The following FOXP1 variants were observed in gnomAD, a reference collection of about 807,000 sequenced individuals.
The protein encoded by FOXP1 is forkhead box protein P1.
A neutral mutation model predicts 98.2 loss-of-function variants in FOXP1; 15 were observed. That is an observed-to-expected ratio of 0.15 (90% confidence interval 0.10 to 0.24). The LOEUF (loss-of-function observed/expected upper bound fraction) is 0.24, where lower values mean the gene tolerates loss of function less well. Ranked by LOEUF, FOXP1 falls within the 10% of genes least tolerant of loss-of-function variation. FOXP1 has a pLI of 1.00. For synonymous variants in FOXP1, 371 were observed against 314.5 expected (o/e 1.18, Z -1.90); for missense variants, 633 against 848.5 (o/e 0.75, Z 3.15).
chr3:71,170,272 A>G (rs574421462), intron 6 of FOXP1, among the ~76,000 whole-genome samples: 1 of 152,302 alleles, frequency 6.6e-6, no homozygotes, highest in South Asian at 2.1e-4. Context: ...GGTATATATC[A>G]CAACAATGAC....
At chr3:71,397,277 G>A (rs2081599380) in intron 3 of FOXP1, among the ~76,000 whole-genome samples, 1 of 151,488 alleles carries the variant, frequency 6.6e-6, no homozygotes, top group Admixed American at 6.6e-5. Context: ...GAAGGAACGA[G>A]ATCTAACTGG....
At chr3:71,523,724 T>C (rs2043159792) in intron 2 of FOXP1, among the ~76,000 whole-genome samples, 1 of 152,112 alleles carries the variant, frequency 6.6e-6, no homozygotes, top group African/African-American at 2.4e-5. Context: ...TGTGAATGGG[T>C]AAAAGTGAGA....
At chr3:71,070,143 T>C (rs187862998) in intron 7 of FOXP1, among the ~76,000 whole-genome samples, 2 of 152,320 alleles carry the variant, frequency 1.3e-5, no homozygotes. Context: ...TGTAATGAAC[T>C]ATTAACTGGA....
intron 6 of FOXP1, among the ~76,000 whole-genome samples, chr3:71,183,246 C>T (rs148542345): frequency 6.6e-6 from 1 of 152,236 alleles, no homozygotes; most frequent in Non-Finnish European, 1.5e-5. Context: ...GTAATCCCAG[C>T]ACTTTGGGAG....
chr3:71,295,675 C>T (rs565613343), intron 5 of FOXP1, among the ~76,000 whole-genome samples: 2 of 152,282 alleles, frequency 1.3e-5, no homozygotes, highest in African/African-American at 4.8e-5. Context: ...CTTCAACTCT[C>T]AATGCCATTC....
At chr3:71,507,894 A>C (rs1206970929) in intron 2 of FOXP1, among the ~76,000 whole-genome samples, 1 of 152,208 alleles carries the variant, frequency 6.6e-6, no homozygotes, top group Non-Finnish European at 1.5e-5. Context: ...GCTACTTTTT[A>C]AAGTTATTTG....
At chr3:71,468,825 T>C (rs1023419468) in intron 3 of FOXP1, among the ~76,000 whole-genome samples, 3 of 152,090 alleles carry the variant, frequency 2.0e-5, no homozygotes, top group African/African-American at 7.2e-5. Context: ...CAAGCATCAG[T>C]GTGAAAGGAG....
intron 3 of FOXP1, among the ~76,000 whole-genome samples, chr3:71,379,269 A>G (rs1471093585): frequency 6.6e-6 from 1 of 152,128 alleles, no homozygotes; most frequent in Non-Finnish European, 1.5e-5. Context: ...TGAACCTCTA[A>G]GATGATTTTA....
chr3:71,049,139 G>GT (rs1479403995), intron 9 of FOXP1, among the ~76,000 whole-genome samples: 1 of 152,152 alleles, frequency 6.6e-6, no homozygotes, highest in African/African-American at 2.4e-5. Flanking sequence ...CGGCAGGTCA[G>GT]TAGTCAGTGT....
intron 7 of FOXP1, among the ~76,000 whole-genome samples, chr3:71,108,624 G>C (rs1186441138): frequency 6.6e-6 from 1 of 152,082 alleles, no homozygotes; most frequent in Non-Finnish European, 1.5e-5. Flanking sequence ...AAATTATCTG[G>C]GCGTGGTGGT....
At chr3:71,413,290 A>ACACACACC (rs371166757) in intron 3 of FOXP1, among the ~76,000 whole-genome samples, 5,653 of 138,114 alleles carry the variant, frequency 0.041, 271 homozygotes, top group South Asian at 0.17. Context: ...ACACACACAC[A>ACACACACC]CCCAAAACAG....
At chr3:71,257,912 A>C (rs1338951902) in intron 5 of FOXP1, among the ~76,000 whole-genome samples, 1 of 152,206 alleles carries the variant, frequency 6.6e-6, no homozygotes, top group East Asian at 1.9e-4. Flanking sequence ...TAACAATCAC[A>C]GCTAGAACTC....
At chr3:71,282,281 T>C (rs968013830) in intron 5 of FOXP1, among the ~76,000 whole-genome samples, 34 of 152,092 alleles carry the variant, frequency 2.2e-4, no homozygotes, top group African/African-American at 7.5e-4. Flanking sequence ...TCTTAATTTT[T>C]TCTATTTTGG....
chr3:71,165,124 C>G (rs1330586359), intron 6 of FOXP1, among the ~76,000 whole-genome samples: 2 of 151,628 alleles, frequency 1.3e-5, no homozygotes, highest in African/African-American at 4.8e-5. Context: ...ACAAAAATAT[C>G]CAATAAAACA....
chr3:71,346,906 G>A (rs2077399764), intron 4 of FOXP1, among the ~76,000 whole-genome samples: 1 of 152,066 alleles, frequency 6.6e-6, no homozygotes, highest in Non-Finnish European at 1.5e-5. Context: ...AGCTGGGCGT[G>A]GTGGCACGCA....
chr3:71,583,803 C>CCGGTGG (rs1479610959), upstream of FOXP1: 6 of 987,028 alleles, frequency 6.1e-6, no homozygotes, highest in Admixed American at 6.2e-5. Flanking sequence ...CCAGCCAGCG[C>CCGGTGG]CGGTGGCGGC....
chr3:71,006,891 T>C (rs1410610120), intron 12 of FOXP1, among the ~76,000 whole-genome samples: 1 of 152,188 alleles, frequency 6.6e-6, no homozygotes, highest in Admixed American at 6.6e-5. Flanking sequence ...AATCTGTTTG[T>C]TGAAAAAAAA....
At chr3:71,563,236 A>T (rs2046669449) in intron 2 of FOXP1, among the ~76,000 whole-genome samples, 1 of 152,148 alleles carries the variant, frequency 6.6e-6, no homozygotes, top group African/African-American at 2.4e-5. Context: ...GGGGTGCAGT[A>T]GGTTGTTTCA....
chr3:71,004,449 GAA>G lies in FOXP1; in HGVS notation c.975-3392_975-3391del, dbSNP rs557843250. ...TTTTCTTCCGTAACACCAATAAAAT[GAA>G]AAGAGAGTTGTAGTGATTAATAGTT... On this transcript the variant is annotated intron_variant, in intron 12 of 20. Coordinates refer to ENST00000649528, the MANE Select transcript of FOXP1 (RefSeq NM_001349338.3). Among the ~76,000 whole-genome samples the G allele has an allele frequency of 3.6e-3, 551 of 152,214 alleles. 5 individuals are homozygous for G. Among genetic ancestry groups the G allele is most frequent in the Non-Finnish European group, 4.6e-3 (312 of 68,002 alleles).
Sources: gnomAD v4.1 joint callset for allele counts (sites outside exome capture counted in the v4.1 genomes callset) on GRCh38, gnomAD v4.1.1 for gene constraint, MANE v1.5 for transcripts, NCBI Gene and HGNC (gene_info 2026-07-23, HGNC 2026-07-21) for gene names.